The following XKR4 variants were observed in gnomAD, a reference collection of about 807,000 sequenced individuals.
The protein encoded by XKR4 is XK-related protein 4.
In XKR4, 12 loss-of-function variants were observed where a neutral mutation model predicts 53.9. The ratio of observed to expected loss-of-function variants is 0.22; its 90% CI spans 0.14 to 0.36. The LOEUF (loss-of-function observed/expected upper bound fraction) is 0.36, where lower values mean the gene tolerates loss of function less well. XKR4 is among the 10% of genes least tolerant of loss of function. The pLI is 1.00. For missense variants in XKR4, 799 were observed against 859.5 expected, an observed-to-expected ratio of 0.93 and a Z score of 0.88; for synonymous variants, 354 against 362.4, an observed-to-expected ratio of 0.98 and a Z score of 0.26.
intron 2 of XKR4, among the ~76,000 whole-genome samples, chr8:55,493,027 G>A (rs762766761): frequency 4.6e-5 from 7 of 152,196 alleles, no homozygotes; most frequent in Non-Finnish European, 8.8e-5. Flanking sequence ...GACTCTTTGG[G>A]TCTGGGGGAA....
At chr8:55,480,669 A>G (rs1232401565) in intron 2 of XKR4, among the ~76,000 whole-genome samples, 1 of 151,630 alleles carries the variant, frequency 6.6e-6, no homozygotes, top group East Asian at 1.9e-4. Flanking sequence ...TCTCAGCCCA[A>G]AATCTCCTTA....
At chr8:55,154,802 G>C (rs944629471) in intron 1 of XKR4, among the ~76,000 whole-genome samples, 1 of 152,108 alleles carries the variant, frequency 6.6e-6, no homozygotes, top group Non-Finnish European at 1.5e-5. Context: ...CATAGAAAGT[G>C]GTTATAATTA....
chr8:55,311,161 C>T (rs763330649), intron 1 of XKR4, among the ~76,000 whole-genome samples: 1 of 152,162 alleles, frequency 6.6e-6, no homozygotes, highest in Non-Finnish European at 1.5e-5. Flanking sequence ...TCATGTGCCT[C>T]GAATTGGTAA....
intron 2 of XKR4, among the ~76,000 whole-genome samples, chr8:55,445,226 T>A (rs1324644268): frequency 1.3e-5 from 2 of 151,818 alleles, no homozygotes; most frequent in Non-Finnish European, 2.9e-5. Context: ...CCTGGCTAAT[T>A]TTTTGTATTT....
At chr8:55,474,420 G>A (rs1277695345) in intron 2 of XKR4, among the ~76,000 whole-genome samples, 1 of 151,982 alleles carries the variant, frequency 6.6e-6, no homozygotes, top group Non-Finnish European at 1.5e-5. Flanking sequence ...CTACATATTT[G>A]TATACACACT....
intron 1 of XKR4, among the ~76,000 whole-genome samples, chr8:55,294,072 G>A (rs867849603): frequency 3.3e-5 from 5 of 152,126 alleles, no homozygotes; most frequent in Non-Finnish European, 5.9e-5. Flanking sequence ...TATTTTCAAA[G>A]CCTTCTATCA....
intron 2 of XKR4, among the ~76,000 whole-genome samples, chr8:55,502,295 A>G (rs1040650842): frequency 6.6e-6 from 1 of 152,106 alleles, no homozygotes; most frequent in African/African-American, 2.4e-5. Flanking sequence ...GAACTGACAT[A>G]CTGTTTTTCA....
At position 55,524,098 on chromosome 8, in the gene XKR4, G is replaced by C; in HGVS notation, c.1824G>C (p.Glu608Asp). Residue 608 changes from glutamate (E) to aspartate (D), a missense_variant, in exon 3 of 3, where the codon GAG (glutamate) becomes GAC (aspartate). By Grantham distance (45) the Glu-to-Asp change is conservative. Around this residue, in one of 3 missense-constraint regions of XKR4, gnomAD observed 269 missense variants for 264.4 expected, o/e 1.02. Transcript: ENST00000327381. ...DLFRNRYPAW[E>D]RHVLDRSLRK... is the part of the protein sequence containing the mutation. ...TCAGGAATAGGTACCCAGCATGGGA[G>C]AGACATGTTTTGGACCGAAGCCTCC... 6.2e-7 allele frequency: 1 copy of C among 1,614,256 alleles called. No homozygotes were observed. Among genetic ancestry groups the C allele is most frequent in the Non-Finnish European group, 8.5e-7 (1 of 1,180,050 alleles).
chr8:55,219,443 G>A (rs1434485582), intron 1 of XKR4, among the ~76,000 whole-genome samples: 1 of 152,098 alleles, frequency 6.6e-6, no homozygotes, highest in East Asian at 1.9e-4. Context: ...GTGGGGCGGG[G>A]GAAGTGAGTC....
chr8:55,285,799 TA>T (rs1262270016), intron 1 of XKR4, among the ~76,000 whole-genome samples: 1 of 152,162 alleles, frequency 6.6e-6, no homozygotes, highest in African/African-American at 2.4e-5. Context: ...TATGGGCCCA[TA>T]GGGGCAACTG....
At chr8:55,278,138 C>T (rs892387385) in intron 1 of XKR4, among the ~76,000 whole-genome samples, 1 of 152,024 alleles carries the variant, frequency 6.6e-6, no homozygotes, top group Non-Finnish European at 1.5e-5. Context: ...AGTTCAAGAC[C>T]AGCCTGGCCA....
rs555528078 is a variant in XKR4, at chr8:55,435,348, G to A, written c.1006+77471G>A. On this transcript the variant is annotated intron_variant, in intron 2 of 2. Transcript: ENST00000327381. Reference sequence around the variant, plus strand: ...GTACAATGAAGGAAAACATCCATGAGGGGCAGAAAGGAGACAAGTTTGAAG... The same window carrying A: ...GTACAATGAAGGAAAACATCCATGAAGGGCAGAAAGGAGACAAGTTTGAAG... Among the ~76,000 whole-genome samples, 51 of 152,160 alleles carry A rather than the reference G, an allele frequency of 3.4e-4. 1 individual carries two copies. Among genetic ancestry groups the A allele is most frequent in the African/African-American group, 1.2e-3 (49 of 41,532 alleles).
chr8:55,471,962 G>A (rs1255082653), intron 2 of XKR4, among the ~76,000 whole-genome samples: 1 of 152,100 alleles, frequency 6.6e-6, no homozygotes, highest in African/African-American at 2.4e-5. Flanking sequence ...CCCAACTTTA[G>A]GTATTTCTTG....
intron 1 of XKR4, among the ~76,000 whole-genome samples, chr8:55,229,708 C>T (rs956360415): frequency 1.3e-5 from 2 of 152,154 alleles, no homozygotes; most frequent in Non-Finnish European, 2.9e-5. Flanking sequence ...CCTTGTGTGT[C>T]TCTCTTCTTG....
At chr8:55,337,972 G>A (rs1320526319) in intron 1 of XKR4, among the ~76,000 whole-genome samples, 5 of 152,160 alleles carry the variant, frequency 3.3e-5, no homozygotes, top group African/African-American at 7.2e-5. Context: ...TGAACAGCAT[G>A]TCTCCCATAT....
In XKR4 at chr8:55,533,060, A is replaced by T. The variant is rs539417571; in HGVS notation, c.*8833A>T. The T allele has an allele frequency of 6.6e-6, 1 of 152,228 alleles. No individual in the cohort carries two copies. Among genetic ancestry groups the T allele is most frequent in the African/African-American group, 2.4e-5 (1 of 41,452 alleles). The allele number at this position is 152,228 out of a possible 1,614,324, so 9.4% of individuals were successfully genotyped here. On this transcript the variant is annotated 3_prime_UTR_variant, in exon 3 of 3. Transcript: ENST00000327381. The stretch of plus-strand genomic sequence containing the variant: ...ACTTTTAATTATTTCACATTAATTC[A>T]TCAAGAAGTTCCAAAACACTACTAA...
chr8:55,350,808 C>T (rs554741746), intron 1 of XKR4, among the ~76,000 whole-genome samples: 1 of 146,790 alleles, frequency 6.8e-6, no homozygotes, highest in East Asian at 2.0e-4. Flanking sequence ...GGCACGATCT[C>T]GGTTCACTGC....
In XKR4 at chr8:55,461,696, G is replaced by A. The variant is rs377572811; in HGVS notation, c.1007-61585G>A. Among the ~76,000 whole-genome samples, 5 of 152,230 alleles carry A rather than the reference G, an allele frequency of 3.3e-5. No homozygotes were observed. In the East Asian group the frequency reaches 5.8e-4, roughly 18 times the overall value. ...TACTCTGAGCTAAAGGAGGAAGTTC[G>A]AACAAATGGCAAATAAGTTAAAAAC... is the stretch of plus-strand genomic sequence containing the variant. On this transcript the variant is annotated intron_variant, in intron 2 of 2. Transcript: ENST00000327381.
intron 1 of XKR4, among the ~76,000 whole-genome samples, chr8:55,298,492 C>T (rs534715107): frequency 7.9e-5 from 12 of 152,074 alleles, no homozygotes; most frequent in South Asian, 4.2e-4. Context: ...AAAAAGGAGG[C>T]GGCATATCAC....
Sources: allele counts gnomAD v4.1 joint callset (sites outside exome capture counted in the v4.1 genomes callset), GRCh38; gene constraint gnomAD v4.1.1; regional missense constraint gnomAD v4.1.1; transcripts MANE v1.5; gene names NCBI Gene and HGNC (gene_info 2026-07-23, HGNC 2026-07-21).